CDH7: variants seen among roughly 807,000 people sequenced by gnomAD.
CDH7 encodes the protein cadherin 7.
CDH7 carries 25 observed loss-of-function variants against 71.8 expected under a neutral mutation model. The observed-to-expected ratio is 0.35, with a 90% confidence interval of 0.25 to 0.49. The LOEUF is 0.49. Among genes scored for constraint, CDH7 ranks in the 20% least tolerant of loss-of-function variants. CDH7 has a pLI of 0.99. For synonymous variants in CDH7, 381 were observed against 363.8 expected (o/e 1.05, Z -0.54); for missense variants, 862 against 974.6 (o/e 0.88, Z 1.54).
chr18:65,817,399 C>T (rs1911760043), intron 4 of CDH7, among the ~76,000 whole-genome samples: 1 of 152,126 alleles, frequency 6.6e-6, no homozygotes, highest in African/African-American at 2.4e-5. Context: ...GAATCCCCTC[C>T]TCAATGACTC....
chr18:65,811,599 G>A (rs146330431), intron 3 of CDH7, among the ~76,000 whole-genome samples: 2 of 152,150 alleles, frequency 1.3e-5, no homozygotes, highest in South Asian at 2.1e-4. Context: ...AACAGTAACT[G>A]TTACAAGATT....
At chr18:65,793,165 C>T (rs1017246990) in intron 2 of CDH7, among the ~76,000 whole-genome samples, 1 of 152,050 alleles carries the variant, frequency 6.6e-6, no homozygotes, top group Non-Finnish European at 1.5e-5. Context: ...TGAGGCCAGG[C>T]GCAGAGGCTC....
At position 65,829,340 on chromosome 18, in the gene CDH7, G is replaced by T. The variant is rs796185932; in HGVS notation, c.981+4509G>T. ...TCACCGTGTTAGCCAGGATGGTCTC[G>T]ATCTCCTGAACTTGTGATCCGCCCG... On this transcript the variant is annotated intron_variant, in intron 6 of 11. Coordinates refer to ENST00000397968, the MANE Select transcript of CDH7 (RefSeq NM_004361.5). Among the ~76,000 whole-genome samples the T allele has an allele frequency of 4.0e-5, 6 of 151,880 alleles. No homozygotes were observed. The South Asian group carries it at 8.3e-4, about 21-fold the overall frequency.
At chr18:65,764,994 T>A (rs1332536533) in intron 2 of CDH7, among the ~76,000 whole-genome samples, 1 of 152,026 alleles carries the variant, frequency 6.6e-6, no homozygotes, top group Admixed American at 6.6e-5. Flanking sequence ...CTAAGAGAAA[T>A]TGTGTAGTTT....
chr18:65,763,182 T>C (rs1916252777), intron 2 of CDH7, 130 bp downstream of exon 2: 2 of 505,090 alleles, frequency 4.0e-6, no homozygotes, highest in African/African-American at 4.0e-5. Context: ...ATCATTTCTA[T>C]GAAAGAGTTT....
intron 2 of CDH7, among the ~76,000 whole-genome samples, chr18:65,768,566 A>G (rs1256516035): frequency 1.3e-5 from 2 of 152,114 alleles, no homozygotes; most frequent in Admixed American, 6.6e-5. Flanking sequence ...CAAGATATAA[A>G]CTGAAACGAT....
At chr18:65,793,402 C>G (rs1230194516) in intron 2 of CDH7, among the ~76,000 whole-genome samples, 2 of 145,300 alleles carry the variant, frequency 1.4e-5, no homozygotes, top group Admixed American at 6.9e-5. Flanking sequence ...GCCAGGGTAA[C>G]AGCGACACCC....
At chr18:65,878,679 A>C (rs1914136904) in intron 11 of CDH7, among the ~76,000 whole-genome samples, 1 of 152,182 alleles carries the variant, frequency 6.6e-6, no homozygotes, top group African/African-American at 2.4e-5. Flanking sequence ...TATTACCTTA[A>C]TTGCAAAAAC....
chr18:65,887,884 CTA>C lies in CDH7; in HGVS notation c.*6993_*6994del, dbSNP rs1474142476. The C allele has an allele frequency of 6.6e-6, 1 of 151,994 alleles. No homozygotes were observed. Among genetic ancestry groups the C allele is most frequent in the Non-Finnish European group, 1.5e-5 (1 of 67,982 alleles). The allele number at this position is 151,994 out of a possible 1,614,324, so 9.4% of individuals were successfully genotyped here. On this transcript the variant is annotated 3_prime_UTR_variant, in exon 12 of 12. Coordinates refer to ENST00000397968, the MANE Select transcript of CDH7 (RefSeq NM_004361.5). ...ACACACAGCATTACTTTCAATGAAA[CTA>C]TAATTTTTATGTTTATGAGATTCCA...
chr18:65,870,791 C>T (rs1170456031), intron 11 of CDH7, among the ~76,000 whole-genome samples: 1 of 152,110 alleles, frequency 6.6e-6, no homozygotes, highest in Non-Finnish European at 1.5e-5. Flanking sequence ...TTTTGTAGTA[C>T]TTATTTGTAA....
chr18:65,833,962 T>C (rs1228954890), intron 6 of CDH7, among the ~76,000 whole-genome samples: 1 of 152,178 alleles, frequency 6.6e-6, no homozygotes, highest in East Asian at 1.9e-4. Context: ...ATATCAAAGA[T>C]GTTTTCCAGT....
intron 11 of CDH7, among the ~76,000 whole-genome samples, chr18:65,877,622 T>C (rs979945764): frequency 2.6e-5 from 4 of 152,098 alleles, no homozygotes; most frequent in Non-Finnish European, 5.9e-5. Flanking sequence ...GTTCAACATG[T>C]GTAACAGGTG....
intron 6 of CDH7, 37 bp from the exon 7 acceptor site, chr18:65,843,775 A>T (rs746995504): frequency 6.8e-7 from 1 of 1,470,638 alleles, no homozygotes; most frequent in East Asian, 2.4e-5. Context: ...TGACTGTTTA[A>T]CCGGTAATTT....
chr18:65,887,755 G>A lies in CDH7; in HGVS notation c.*6861G>A, dbSNP rs1914409169. 6.6e-6 allele frequency: 1 copy of A among 152,008 alleles called. No homozygotes were observed. The highest frequency in any genetic ancestry group is 1.9e-4 in the East Asian group (1 of 5,172). The allele number at this position is 152,008 out of a possible 1,614,324, so 9.4% of individuals were successfully genotyped here. A position where few individuals can be genotyped will look rare whatever the true frequency, so the allele number is the denominator to read the frequency against. ...TCCAACCTCTACAATTAAATTATAT[G>A]AGCATACTGAGGGAGAATTGCACAT... On this transcript the variant is annotated 3_prime_UTR_variant, in exon 12 of 12. Transcript: ENST00000397968.
At position 65,808,882 on chromosome 18, in the gene CDH7, G is replaced by A. The variant is rs1182585270; in HGVS notation, c.211-822G>A. 3.3e-5 allele frequency among the ~76,000 whole-genome samples: 5 copies of A among 152,150 alleles called. No individual in the cohort carries two copies. The East Asian group carries it at 9.6e-4, about 29-fold the overall frequency. On this transcript the variant is annotated intron_variant, in intron 2 of 11. Coordinates refer to ENST00000397968, the MANE Select transcript of CDH7 (RefSeq NM_004361.5). The stretch of plus-strand genomic sequence containing the variant: ...AGTAGCGCGTTTGTCAGGTTATGAA[G>A]TTCAGGGAAATGTGTAATTACGTGT...
intron 7 of CDH7, among the ~76,000 whole-genome samples, chr18:65,856,739 G>T (rs1385243123): frequency 6.6e-6 from 1 of 151,976 alleles, no homozygotes; most frequent in Non-Finnish European, 1.5e-5. Flanking sequence ...TCGTTTAATT[G>T]TTTGTTTTTG....
chr18:65,820,944 G>A (rs1337716079), intron 4 of CDH7, among the ~76,000 whole-genome samples: 1 of 152,026 alleles, frequency 6.6e-6, no homozygotes, highest in Admixed American at 6.5e-5. Context: ...AATGAGAGAT[G>A]AGTCAAATTT....
intron 2 of CDH7, among the ~76,000 whole-genome samples, chr18:65,768,989 T>C (rs1916463671): frequency 6.6e-6 from 1 of 152,094 alleles, no homozygotes; most frequent in South Asian, 2.1e-4. Context: ...ATTGATAATG[T>C]GCTAGATAGA....
rs1914458106 is a variant in CDH7 at position 65,889,729 on chromosome 18, A to T, written c.*8835A>T. On this transcript the variant is annotated 3_prime_UTR_variant, in exon 12 of 12. Coordinates refer to ENST00000397968, the MANE Select transcript of CDH7 (RefSeq NM_004361.5). ...CTTTGAAGCTAGAAGTACTATGGAG[A>T]TTGTATATACTATATTAGACACTGT... 1 of 152,174 alleles carries T rather than the reference A, an allele frequency of 6.6e-6. No individual in the cohort carries two copies. The highest frequency in any genetic ancestry group is 2.4e-5 in the African/African-American group (1 of 41,450). 9.4% of individuals were successfully genotyped at this position (152,174 alleles called of 1,614,324 possible).
Sources: allele counts gnomAD v4.1 joint callset (sites outside exome capture counted in the v4.1 genomes callset), GRCh38; gene constraint gnomAD v4.1.1; transcripts MANE v1.5; gene names NCBI Gene and HGNC (gene_info 2026-07-23, HGNC 2026-07-21).